MYBPH: variants seen among roughly 807,000 people sequenced by gnomAD.
MYBPH encodes myosin binding protein H.
A neutral mutation model predicts 53.6 loss-of-function variants in MYBPH; 49 were observed. The observed-to-expected ratio is 0.91, with a 90% confidence interval of 0.73 to 1.16. The LOEUF is 1.16. Among genes scored for constraint, MYBPH ranks in the 50% most tolerant of loss-of-function variants. The probability of loss-of-function intolerance (pLI) is 0.00; values close to 1 mark genes in which losing one functional copy is unlikely to be tolerated. For missense variants in MYBPH, 558 were observed against 624.1 expected (o/e 0.89, Z 1.13); for synonymous variants, 239 against 249.6 (o/e 0.96, Z 0.40).
At chr1:203,169,159 C>T in intron 8 of MYBPH, 67 bp from the exon 9 acceptor site, 1 of 1,591,660 alleles carries the variant, frequency 6.3e-7, no homozygotes, top group South Asian at 1.1e-5. Flanking sequence ...ACAGCTATCC[C>T]CAGGCTTAGG....
At chr1:203,175,957 TG>T (rs1217595032), upstream of MYBPH, 5 of 590,780 alleles carry the variant, frequency 8.5e-6, no homozygotes, top group Non-Finnish European at 1.5e-5. Context: ...GGAATAGCTC[TG>T]GGGGAGGAAC....
chr1:203,170,190 C>A, intron 7 of MYBPH, 101 bp downstream of exon 7: 10 of 1,441,622 alleles, frequency 6.9e-6, no homozygotes, highest in East Asian at 2.4e-5. Context: ...GTTCCAGGGG[C>A]AGACGCCCAG....
At chr1:203,169,128 T>G in intron 8 of MYBPH, 36 bp from the exon 9 acceptor site, 1 of 1,608,824 alleles carries the variant, frequency 6.2e-7, no homozygotes, top group Non-Finnish European at 8.5e-7. Flanking sequence ...TGGGGAGGTA[T>G]GGACTGGGGC....
At position 203,168,801 on chromosome 1, in the gene MYBPH, A is replaced by G. The variant is rs536039195; in HGVS notation, c.1417+105T>C. On this transcript the variant is annotated intron_variant, in intron 9 of 10. Coordinates refer to ENST00000255416, the MANE Select transcript of MYBPH (RefSeq NM_004997.3). ...AAAGTAATCAGCACAGCCTGACCCC[A>G]GTCTTACCACCCCTTCTCTTCGGCC... 18 of 1,581,672 alleles carry G rather than the reference A, an allele frequency of 1.1e-5. No individual in the cohort carries two copies. The African/African-American group carries it at 2.0e-4, about 18-fold the overall frequency.
At position 203,169,247 on chromosome 1, in the gene MYBPH, C is replaced by T. The variant is rs369816115; in HGVS notation, c.1230+6G>A. 7 of 1,601,378 alleles carry T rather than the reference C, an allele frequency of 4.4e-6. No homozygotes were observed. In the South Asian group the frequency reaches 4.5e-5, roughly 10 times the overall value. On this transcript the variant is annotated splice_donor_region_variant and intron_variant, in intron 8 of 10. Coordinates refer to ENST00000255416, the MANE Select transcript of MYBPH (RefSeq NM_004997.3). Reference sequence around the variant, plus strand: ...GCCCAGGGCACAACAGGGCCTGGCCCCTCACCTTGGGTGAAGCTCGGACAC... The same window carrying T: ...GCCCAGGGCACAACAGGGCCTGGCCTCTCACCTTGGGTGAAGCTCGGACAC...
In MYBPH at chr1:203,171,014, C is replaced by T; in HGVS notation, c.933+47G>A. 1.3e-6 allele frequency: 2 copies of T among 1,537,410 alleles called. No individual in the cohort carries two copies. Among genetic ancestry groups the T allele is most frequent in the East Asian group, 2.3e-5 (1 of 44,118 alleles). ...CAGTGGGATGGGCCTTCCCCACCAC[C>T]TTGACCACTTCGTACCCCGACCCCA... On this transcript the variant is annotated intron_variant, in intron 6 of 10. Transcript: ENST00000255416. This position sits in a 1 kb window ranked among gnomAD's most constrained non-coding sequence, Gnocchi z 4.2.
At chr1:203,176,892 G>C (rs1229929280), upstream of MYBPH, among the ~76,000 whole-genome samples, 9 of 152,146 alleles carry the variant, frequency 5.9e-5, no homozygotes, top group African/African-American at 2.2e-4. Context: ...ACATGCCCCA[G>C]GAGACATGGA....
rs375833390 is a variant in MYBPH, at chr1:203,171,340, T to A, written c.793+43A>T. Reference sequence around the variant, plus strand: ...AGCTCTGGGATAGGAGGTTGGGGGCTCCAGGTCCCCCATGAGACAGCACTG... The same window carrying A: ...AGCTCTGGGATAGGAGGTTGGGGGCACCAGGTCCCCCATGAGACAGCACTG... On this transcript the variant is annotated intron_variant, in intron 5 of 10. Coordinates refer to ENST00000255416, the MANE Select transcript of MYBPH (RefSeq NM_004997.3). The surrounding 1 kb of genome is among the most constrained non-coding windows in gnomAD (Gnocchi z 4.2). The A allele has an allele frequency of 8.8e-6, 14 of 1,583,640 alleles. No homozygotes were observed. In the African/African-American group the frequency reaches 1.9e-4, roughly 21 times the overall value.
chr1:203,171,007 C>G lies in MYBPH; in HGVS notation c.933+54G>C, dbSNP rs899331775. 2.0e-6 allele frequency: 3 copies of G among 1,522,962 alleles called. No homozygotes were observed. The Admixed American group carries it at 6.4e-5, about 33-fold the overall frequency. The allele number at this position is 1,522,962 out of a possible 1,614,324, so 94.3% of individuals were successfully genotyped here. The stretch of plus-strand genomic sequence containing the variant: ...CTAGACTCAGTGGGATGGGCCTTCC[C>G]CACCACCTTGACCACTTCGTACCCC... On this transcript the variant is annotated intron_variant, in intron 6 of 10. Transcript: ENST00000255416. This position sits in a 1 kb window ranked among gnomAD's most constrained non-coding sequence, Gnocchi z 4.2.
rs2102194025 is a variant in MYBPH at position 203,175,577 on chromosome 1, G to T, written c.179C>A (p.Ala60Asp). Residue 60 changes from alanine (A) to aspartate (D), a missense_variant, in exon 1 of 11, where the codon GCC becomes GAC. Physicochemically the swap from Ala to Asp is moderately radical, Grantham distance 126 (BLOSUM62 -2). Transcript: ENST00000255416. ...PAPQAPTAST[A>D]TKPAPPSEDV... Reference sequence around the variant, plus strand: ...TTCACTTGGGGGTGCAGGCTTAGTGGCTGTGGAGGCTGTAGGGGCCTGTGG... The same window carrying T: ...TTCACTTGGGGGTGCAGGCTTAGTGTCTGTGGAGGCTGTAGGGGCCTGTGG... 1 of 1,613,710 alleles carries T rather than the reference G, an allele frequency of 6.2e-7. No individual in the cohort carries two copies. The highest frequency in any genetic ancestry group is 2.2e-5 in the East Asian group (1 of 44,838).
Position 203,172,002 on chromosome 1 carries a change from T to C in MYBPH, c.547A>G (p.Thr183Ala). 1 of 1,322,174 alleles carries C rather than the reference T, an allele frequency of 7.6e-7. No individual in the cohort carries two copies. The highest frequency in any genetic ancestry group is 3.1e-5 in the South Asian group (1 of 32,622). 81.9% of individuals were successfully genotyped at this position (1,322,174 alleles called of 1,614,324 possible). A position where few individuals can be genotyped will look rare whatever the true frequency, so the allele number is the denominator to read the frequency against. ...GTCTCTCCCACCTGGCGGATGTAGG[T>C]CTGACGGAGGTGGCGGGGGACACGG... ...KIRVPRHLRQ[T>A]YIRQVGETVN... The change falls in exon 4 of 11, where the codon ACC becomes GCC. Residue 183 changes from threonine (T) to alanine (A), a missense_variant. Transcript: ENST00000255416.
At chr1:203,177,002 G>A (rs1655824010), upstream of MYBPH, among the ~76,000 whole-genome samples, 1 of 152,216 alleles carries the variant, frequency 6.6e-6, no homozygotes, top group Admixed American at 6.5e-5. Context: ...GAGTGTTTAT[G>A]CAACTGTAAA....
At chr1:203,178,316 G>A (rs1314765698), upstream of MYBPH, among the ~76,000 whole-genome samples, 1 of 152,212 alleles carries the variant, frequency 6.6e-6, no homozygotes, top group African/African-American at 2.4e-5. Flanking sequence ...TTAGGGGAGG[G>A]GTGAACAGAA....
chr1:203,168,943 C>G lies in MYBPH; in HGVS notation c.1380G>C (p.Leu460=), dbSNP rs200980000. The G allele has an allele frequency of 9.5e-5, 153 of 1,614,104 alleles. 1 individual carries two copies. The East Asian group carries it at 3.3e-3, about 35-fold the overall frequency. Residue 460 remains leucine (L), a synonymous_variant, in exon 9 of 11, where the codon CTG becomes CTC. Transcript: ENST00000255416. ...GVYTCKAINV[L]GEASVDCRLE... is the part of the protein sequence containing the mutation. The stretch of plus-strand genomic sequence containing the variant: ...GCCGGCAGTCCACAGATGCCTCCCC[C>G]AGCACATTTATGGCCTTGCAGGTGT...
chr1:203,176,310 G>A (rs114801000), upstream of MYBPH, among the ~76,000 whole-genome samples: 1 of 152,188 alleles, frequency 6.6e-6, no homozygotes, highest in South Asian at 2.1e-4. Context: ...AGGGACTCTC[G>A]CCTGTGCTGT....
intron 6 of MYBPH, among the ~76,000 whole-genome samples, 158 bp from the exon 7 acceptor site, chr1:203,170,608 G>A (rs1343775001): frequency 6.6e-6 from 1 of 152,156 alleles, no homozygotes; most frequent in African/African-American, 2.4e-5. Context: ...TTGGAAGAAG[G>A]GGCCCCTGGG....
rs757229053 is a variant in MYBPH, at chr1:203,167,852, C to A, written c.*272G>T. Reference sequence around the variant, plus strand: ...CATCTTTATTTGAGTGCTTCCCACCCAGAGTGCAACTCCGCAGGGCACTCC... The same window carrying A: ...CATCTTTATTTGAGTGCTTCCCACCAAGAGTGCAACTCCGCAGGGCACTCC... On this transcript the variant is annotated 3_prime_UTR_variant, in exon 11 of 11. Coordinates refer to ENST00000255416, the MANE Select transcript of MYBPH (RefSeq NM_004997.3). 35 of 152,586 alleles carry A rather than the reference C, an allele frequency of 2.3e-4. No individual in the cohort carries two copies. Among genetic ancestry groups the A allele is most frequent in the Non-Finnish European group, 5.0e-4 (34 of 68,372 alleles). 9.5% of individuals were successfully genotyped at this position (152,586 alleles called of 1,614,324 possible).
At chr1:203,168,817 C>A in intron 9 of MYBPH, 89 bp downstream of exon 9, 2 of 1,582,726 alleles carry the variant, frequency 1.3e-6, no homozygotes. Context: ...ACCACCCCTT[C>A]TCTTCGGCCT....
In MYBPH at chr1:203,175,815, G is replaced by A. The variant is rs1655798725; in HGVS notation, c.-60C>T. 3 of 1,564,878 alleles carry A rather than the reference G, an allele frequency of 1.9e-6. No individual in the cohort carries two copies. Among genetic ancestry groups the A allele is most frequent in the Admixed American group, 3.4e-5 (2 of 59,164 alleles). On this transcript the variant is annotated 5_prime_UTR_variant, in exon 1 of 11. Transcript: ENST00000255416. ...CAGGGGTCAGCCGTTGGGGGGCCTG[G>A]GCCTCTAGGGTGCCTGGGACACCTA... is the stretch of plus-strand genomic sequence containing the variant.
Sources: allele counts gnomAD v4.1 joint callset (sites outside exome capture counted in the v4.1 genomes callset), GRCh38; gene constraint gnomAD v4.1.1; non-coding constraint Gnocchi (gnomAD v3.1); transcripts MANE v1.5; gene names NCBI Gene and HGNC (gene_info 2026-07-23, HGNC 2026-07-21).